Variants in CNBD1 observed in about 807,000 individuals in gnomAD.
The protein encoded by CNBD1 is cyclic nucleotide-binding domain-containing protein 1.
In CNBD1, 71 loss-of-function variants were observed where a neutral mutation model predicts 54.4. That is an observed-to-expected ratio of 1.30 (90% CI 1.08 to 1.59). CNBD1 has a LOEUF of 1.59. Among genes scored for constraint, CNBD1 ranks in the 40% most tolerant of loss-of-function variants. The pLI is 0.00. For synonymous variants in CNBD1, 182 were observed against 170.7 expected (o/e 1.07, Z -0.51); for missense variants, 659 against 518.0 (o/e 1.27, Z -2.64).
intron 10 of CNBD1, among the ~76,000 whole-genome samples, chr8:87,358,256 C>T (rs990769644): frequency 2.0e-5 from 3 of 151,972 alleles, no homozygotes; most frequent in Non-Finnish European, 4.4e-5. Context: ...AACACTAACT[C>T]AAAATGAAAA....
At chr8:87,412,097 T>C (rs1316313441) in intron 2 of CNBD1, among the ~76,000 whole-genome samples, 2 of 152,056 alleles carry the variant, frequency 1.3e-5, no homozygotes, top group Non-Finnish European at 2.9e-5. Context: ...TGCTAAAGTG[T>C]TTAGAAAAAA....
chr8:86,902,050 T>C (rs1303264214), intron 2 of CNBD1, among the ~76,000 whole-genome samples: 1 of 152,178 alleles, frequency 6.6e-6, no homozygotes, highest in Non-Finnish European at 1.5e-5. Context: ...TTAAACTTTA[T>C]ATGCATCATT....
intron 10 of CNBD1, among the ~76,000 whole-genome samples, chr8:87,382,030 A>G (rs1381782334): frequency 6.6e-6 from 1 of 151,972 alleles, no homozygotes; most frequent in Non-Finnish European, 1.5e-5. Flanking sequence ...TAACATTTTA[A>G]AAAATAAATA....
At chr8:87,096,343 C>CT (rs764461082) in intron 4 of CNBD1, among the ~76,000 whole-genome samples, 1,528 of 117,146 alleles carry the variant, frequency 0.013, 23 homozygotes, top group South Asian at 0.031. Flanking sequence ...TCTCTGGTGT[C>CT]TTTTTTTTTT....
intron 8 of CNBD1, among the ~76,000 whole-genome samples, chr8:87,320,198 T>C (rs944361495): frequency 6.6e-6 from 1 of 152,124 alleles, no homozygotes; most frequent in Non-Finnish European, 1.5e-5. Context: ...AGCTTAACTT[T>C]TTATTGTTTG....
At chr8:87,274,047 T>A (rs1312258359) in intron 6 of CNBD1, among the ~76,000 whole-genome samples, 1 of 151,778 alleles carries the variant, frequency 6.6e-6, no homozygotes, top group Non-Finnish European at 1.5e-5. Context: ...TGCGATAGTT[T>A]ACTGAGAATG....
At chr8:87,363,383 A>T (rs571155581) in intron 10 of CNBD1, among the ~76,000 whole-genome samples, 188 of 152,304 alleles carry the variant, frequency 1.2e-3, no homozygotes, top group Middle Eastern at 3.4e-3. Context: ...TTGCTGGGTC[A>T]AATGATATTT....
chr8:87,328,038 A>G (rs1809723064), intron 8 of CNBD1, among the ~76,000 whole-genome samples: 3 of 151,746 alleles, frequency 2.0e-5, no homozygotes, highest in South Asian at 4.2e-4. Flanking sequence ...TTCCATAGGT[A>G]TATATATACC....
chr8:87,426,002 G>A (rs1237905572), intron 2 of CNBD1, among the ~76,000 whole-genome samples: 1 of 152,218 alleles, frequency 6.6e-6, no homozygotes, highest in Non-Finnish European at 1.5e-5. Context: ...TGAGCCAGGT[G>A]CAGGATATAA....
intron 3 of CNBD1, among the ~76,000 whole-genome samples, chr8:86,915,158 T>C (rs1253220657): frequency 3.3e-5 from 5 of 152,142 alleles, no homozygotes; most frequent in Non-Finnish European, 4.4e-5. Context: ...TGATTGTGGA[T>C]GCAACCATAG....
intron 8 of CNBD1, among the ~76,000 whole-genome samples, chr8:87,293,071 G>A (rs537412920): frequency 1.3e-5 from 2 of 152,148 alleles, no homozygotes; most frequent in East Asian, 3.9e-4. Flanking sequence ...CGCACTGGGT[G>A]TTCATTCTAC....
At chr8:87,176,909 A>C (rs1158312769) in intron 4 of CNBD1, among the ~76,000 whole-genome samples, 1 of 152,214 alleles carries the variant, frequency 6.6e-6, no homozygotes, top group Non-Finnish European at 1.5e-5. Context: ...AATACTTTAA[A>C]AATACATTAT....
intron 4 of CNBD1, among the ~76,000 whole-genome samples, chr8:87,081,382 T>G (rs1210676641): frequency 1.3e-5 from 2 of 152,206 alleles, no homozygotes; most frequent in African/African-American, 4.8e-5. Context: ...GATGTGTTTT[T>G]TCAGAATTTT....
chr8:87,218,143 C>T (rs561692595), intron 5 of CNBD1, among the ~76,000 whole-genome samples: 3 of 152,046 alleles, frequency 2.0e-5, no homozygotes, highest in African/African-American at 7.2e-5. Flanking sequence ...ATTTGTTCCT[C>T]CCCACTCCTG....
At chr8:87,359,795 C>G (rs1308954230) in intron 10 of CNBD1, among the ~76,000 whole-genome samples, 1 of 151,994 alleles carries the variant, frequency 6.6e-6, no homozygotes, top group Non-Finnish European at 1.5e-5. Flanking sequence ...GTTATGTCAT[C>G]TTGCTATCAA....
At chr8:87,404,343 C>T (rs929276395) in intron 2 of CNBD1, among the ~76,000 whole-genome samples, 7 of 151,960 alleles carry the variant, frequency 4.6e-5, no homozygotes, top group Non-Finnish European at 7.4e-5. Context: ...TGCCATGTTA[C>T]CTCAGTTGGT....
intron 5 of CNBD1, among the ~76,000 whole-genome samples, chr8:87,234,920 G>T (rs1807542516): frequency 6.6e-6 from 1 of 152,202 alleles, no homozygotes; most frequent in Non-Finnish European, 1.5e-5. Context: ...TTGAAAATCT[G>T]TTTAGTGTAA....
chr8:87,157,866 C>T (rs1011896325), intron 4 of CNBD1, among the ~76,000 whole-genome samples: 1 of 152,184 alleles, frequency 6.6e-6, no homozygotes, highest in Non-Finnish European at 1.5e-5. Flanking sequence ...GCTGTGATTT[C>T]TCTCTCTGAT....
chr8:87,321,651 T>G (rs1372412616), intron 8 of CNBD1, among the ~76,000 whole-genome samples: 1 of 152,166 alleles, frequency 6.6e-6, no homozygotes, highest in African/African-American at 2.4e-5. Context: ...TGCCTTTTTC[T>G]CTATTGATTA....
Sources: allele counts gnomAD v4.1 joint callset (sites outside exome capture counted in the v4.1 genomes callset), GRCh38; gene constraint gnomAD v4.1.1; transcripts MANE v1.5; gene names NCBI Gene and HGNC (gene_info 2026-07-23, HGNC 2026-07-21).